The following CCDC83 variants were observed in gnomAD, a reference collection of about 807,000 sequenced individuals.
CCDC83 encodes the protein coiled-coil domain containing 83, also known as coiled-coil domain-containing protein 83.
A neutral mutation model predicts 50.1 loss-of-function variants in CCDC83; 54 were observed. The observed-to-expected ratio is 1.08, with a 90% CI of 0.87 to 1.35. The LOEUF (loss-of-function observed/expected upper bound fraction) is 1.35, where lower values mean the gene tolerates loss of function less well. Ranked by LOEUF, CCDC83 falls within the 40% of genes most tolerant of loss-of-function variation. The pLI is 0.00. For synonymous variants in CCDC83, 161 were observed against 153.3 expected (o/e 1.05, Z -0.37); for missense variants, 518 against 473.9 (o/e 1.09, Z -0.86).
At chr11:85,909,314 G>A (rs2093441365) in intron 7 of CCDC83, among the ~76,000 whole-genome samples, 1 of 152,154 alleles carries the variant, frequency 6.6e-6, no homozygotes, top group African/African-American at 2.4e-5. Context: ...AAGAGATACT[G>A]AATCTAAACC....
intron 1 of CCDC83, among the ~76,000 whole-genome samples, chr11:85,856,633 G>A (rs2093142970): frequency 6.6e-6 from 1 of 152,164 alleles, no homozygotes; most frequent in Non-Finnish European, 1.5e-5. Context: ...TAAAGGATTG[G>A]TGAAGAAAAT....
intron 3 of CCDC83, among the ~76,000 whole-genome samples, chr11:85,881,377 CAA>C (rs1402872595): frequency 3.5e-5 from 5 of 144,906 alleles, no homozygotes; most frequent in South Asian, 2.2e-4. Flanking sequence ...CATCCCCCCC[CAA>C]AAAAAAAAAG....
chr11:85,888,114 G>C (rs1023260371), intron 5 of CCDC83, among the ~76,000 whole-genome samples: 9 of 145,956 alleles, frequency 6.2e-5, no homozygotes, highest in African/African-American at 2.5e-4. Flanking sequence ...CCTTACACAT[G>C]TCTCATTTTC....
At position 85,919,621 on chromosome 11, in the gene CCDC83, T is replaced by C; in HGVS notation, c.*111T>C. On this transcript the variant is annotated 3_prime_UTR_variant, in exon 11 of 11. Coordinates refer to ENST00000342404, the MANE Select transcript of CCDC83 (RefSeq NM_001286159.2). ...CTTTGGCTCATTTTTAAACCAGCTG[T>C]TATTTCTAAAGGTCATATTTACATT... 1.3e-6 allele frequency: 1 copy of C among 777,338 alleles called. No homozygotes were observed. Among genetic ancestry groups the C allele is most frequent in the Non-Finnish European group, 2.1e-6 (1 of 474,532 alleles). 48.2% of individuals were successfully genotyped at this position (777,338 alleles called of 1,614,324 possible).
chr11:85,889,587 TG>T lies in CCDC83; in HGVS notation c.511+3221del, dbSNP rs1441619603. Among the ~76,000 whole-genome samples the T allele has an allele frequency of 7.2e-5, 11 of 152,200 alleles. 1 individual carries two copies. The highest frequency in any genetic ancestry group is 2.7e-4 in the African/African-American group (11 of 41,454). On this transcript the variant is annotated intron_variant, in intron 5 of 10. Coordinates refer to ENST00000342404, the MANE Select transcript of CCDC83 (RefSeq NM_001286159.2). Reference sequence around the variant, plus strand: ...CTCCACCAGGGGAACTATTAGAACATGTTGGGGACCACTAACTGGACACAAT... The same window carrying T: ...CTCCACCAGGGGAACTATTAGAACATTTGGGGACCACTAACTGGACACAAT...
intron 3 of CCDC83, among the ~76,000 whole-genome samples, chr11:85,881,373 C>CA (rs1184479754): frequency 6.7e-6 from 1 of 149,948 alleles, no homozygotes; most frequent in Non-Finnish European, 1.5e-5. Flanking sequence ...ACTCCATCCC[C>CA]CCCCAAAAAA....
At position 85,865,079 on chromosome 11, in the gene CCDC83, G is replaced by A. The variant is rs957573926; in HGVS notation, c.-28-17G>A. On this transcript the variant is annotated splice_polypyrimidine_tract_variant and intron_variant, in intron 1 of 10. Transcript: ENST00000342404. ...AAGATGGAATTTTTCACTTTCGTAT[G>A]TCTCCTTTCTAAACAGGTATATTTC... The A allele has an allele frequency of 2.3e-6, 3 of 1,299,624 alleles. No homozygotes were observed. The highest frequency in any genetic ancestry group is 2.2e-6 in the Non-Finnish European group (2 of 903,400). The allele number at this position is 1,299,624 out of a possible 1,614,324, so 80.5% of individuals were successfully genotyped here. A position where few individuals can be genotyped will look rare whatever the true frequency, so the allele number is the denominator to read the frequency against.
At chr11:85,864,899 A>T (rs1207575640) in intron 1 of CCDC83, among the ~76,000 whole-genome samples, 197 bp from the exon 2 acceptor site, 1 of 152,182 alleles carries the variant, frequency 6.6e-6, no homozygotes, top group African/African-American at 2.4e-5. Context: ...ACATGGGCTA[A>T]ACATGGAATT....
chr11:85,919,702 G>T lies in CCDC83; in HGVS notation c.*192G>T, dbSNP rs962809461. 1 of 539,030 alleles carries T rather than the reference G, an allele frequency of 1.9e-6. No homozygotes were observed. The highest frequency in any genetic ancestry group is 3.2e-6 in the Non-Finnish European group (1 of 308,062). 33.4% of individuals were successfully genotyped at this position (539,030 alleles called of 1,614,324 possible). ...CTTGCATGGTATGAGTGACCAAAAC[G>T]GAAGCACGCTTTGTATTTCTACACT... On this transcript the variant is annotated 3_prime_UTR_variant, in exon 11 of 11. Transcript: ENST00000342404.
chr11:85,880,418 G>T (rs1565140332), intron 3 of CCDC83, among the ~76,000 whole-genome samples: 1 of 152,038 alleles, frequency 6.6e-6, no homozygotes, highest in Non-Finnish European at 1.5e-5. Flanking sequence ...TGGGACTACA[G>T]GCATGCACCA....
chr11:85,881,359 C>A (rs2093299014), intron 3 of CCDC83, among the ~76,000 whole-genome samples: 1 of 151,086 alleles, frequency 6.6e-6, no homozygotes, highest in Non-Finnish European at 1.5e-5. Context: ...GGTGACAGAG[C>A]AAGACTCCAT....
At chr11:85,858,822 G>A (rs1209295896) in intron 1 of CCDC83, among the ~76,000 whole-genome samples, 2 of 152,106 alleles carry the variant, frequency 1.3e-5, no homozygotes, top group African/African-American at 4.8e-5. Flanking sequence ...CTATATTGAA[G>A]GGCAAAGAGG....
Position 85,877,264 on chromosome 11 carries a change from GT to G in CCDC83, c.180+3973del, listed in dbSNP as rs1429469942. Among the ~76,000 whole-genome samples, 9 of 152,304 alleles carry G rather than the reference GT, an allele frequency of 5.9e-5. No individual in the cohort carries two copies. The East Asian group carries it at 1.7e-3, about 29-fold the overall frequency. ...GCAGGAGGATCGCTTGAGGCCAGGT[GT>G]TTTGAGACCAGCCTGGGCAACATAG... On this transcript the variant is annotated intron_variant, in intron 3 of 10. Transcript: ENST00000342404.
intron 9 of CCDC83, 67 bp from the exon 10 acceptor site, chr11:85,915,961 T>C: frequency 9.6e-7 from 1 of 1,037,502 alleles, no homozygotes; most frequent in Non-Finnish European, 1.5e-6. Flanking sequence ...TGACAAAGTA[T>C]GTATTGCATT....
chr11:85,916,140 G>T lies in CCDC83; in HGVS notation c.987G>T (p.Gln329His), dbSNP rs1343415046. The T allele has an allele frequency of 6.2e-7, 1 of 1,611,948 alleles. No individual in the cohort carries two copies. The highest frequency in any genetic ancestry group is 2.2e-5 in the East Asian group (1 of 44,816). The stretch of plus-strand genomic sequence containing the variant: ...ATGAAAATAGCATCGAAGATCTCCA[G>T]TATGTGAAGATAGATAAAGAGGAAA... ...LSHENSIEDL[Q>H]YVKIDKEENS... is the part of the protein sequence containing the mutation. The change falls in exon 10 of 11, where the codon CAG becomes CAT. Residue 329 changes from glutamine to histidine, a missense_variant. Transcript: ENST00000342404.
chr11:85,911,240 A>G (rs2093452373), intron 7 of CCDC83, 41 bp from the exon 8 acceptor site: 1 of 1,475,788 alleles, frequency 6.8e-7, no homozygotes, highest in South Asian at 1.4e-5. Flanking sequence ...ATAGAACTGA[A>G]TCAATAAGTA....
rs567006308 is a variant in CCDC83 at position 85,908,465 on chromosome 11, C to T, written c.673-2816C>T. 1.4e-4 allele frequency among the ~76,000 whole-genome samples: 21 copies of T among 152,072 alleles called. No individual in the cohort carries two copies. In the East Asian group the frequency reaches 2.3e-3, roughly 17 times the overall value. ...CCCGTGGAGGCTGAGGCAGGAGAATCGCTTGAACCTGGGAGGTGGAGGCTG... is the reference window on the plus strand; with the variant it reads ...CCCGTGGAGGCTGAGGCAGGAGAATTGCTTGAACCTGGGAGGTGGAGGCTG... On this transcript the variant is annotated intron_variant, in intron 7 of 10. Coordinates refer to ENST00000342404, the MANE Select transcript of CCDC83 (RefSeq NM_001286159.2).
intron 1 of CCDC83, among the ~76,000 whole-genome samples, chr11:85,861,179 G>T (rs2093174119): frequency 1.3e-5 from 2 of 152,228 alleles, no homozygotes; most frequent in Admixed American, 1.3e-4. Context: ...ATTGTATTTT[G>T]TTGAAGATGA....
chr11:85,910,745 G>A (rs1387867245), intron 7 of CCDC83, among the ~76,000 whole-genome samples: 2 of 152,218 alleles, frequency 1.3e-5, no homozygotes, highest in African/African-American at 4.8e-5. Context: ...AAGTTCTGCT[G>A]ATGATCTAAA....
Sources: allele counts gnomAD v4.1 joint callset (sites outside exome capture counted in the v4.1 genomes callset), GRCh38; gene constraint gnomAD v4.1.1; transcripts MANE v1.5; gene names NCBI Gene and HGNC (gene_info 2026-07-23, HGNC 2026-07-21).